WDR27: variants seen among roughly 807,000 people sequenced by gnomAD.
WDR27 encodes WD repeat domain 27.
A neutral mutation model predicts 114.4 loss-of-function variants in WDR27; 100 were observed. The ratio of observed to expected loss-of-function variants is 0.87; its 90% confidence interval spans 0.74 to 1.03. The LOEUF is 1.03. Among genes scored for constraint, WDR27 ranks in the 50% least tolerant of loss-of-function variants. The pLI, the probability that WDR27 is intolerant of heterozygous loss-of-function variation, is 0.00. For synonymous variants in WDR27, 449 were observed against 423.1 expected, an observed-to-expected ratio of 1.06 and a Z score of -0.75; for missense variants, 1,129 against 1,092.9, an observed-to-expected ratio of 1.03 and a Z score of -0.47.
At chr6:169,650,861 C>A (rs2128242539) in intron 14 of WDR27, among the ~76,000 whole-genome samples, 1 of 152,236 alleles carries the variant, frequency 6.6e-6, no homozygotes, top group East Asian at 1.9e-4. Flanking sequence ...GTCCATCTCT[C>A]CATCCATCCA....
intron 2 of WDR27, among the ~76,000 whole-genome samples, chr6:169,676,182 G>A (rs1263493784): frequency 6.6e-6 from 1 of 152,080 alleles, no homozygotes; most frequent in Non-Finnish European, 1.5e-5. Context: ...GCAGAACCAT[G>A]AGCCAATTAA....
intron 1 of WDR27, among the ~76,000 whole-genome samples, chr6:169,696,363 A>G: frequency 6.6e-6 from 1 of 152,226 alleles, no homozygotes; most frequent in East Asian, 1.9e-4. Context: ...GCAGTTGTGA[A>G]GCAAGAGATC....
chr6:169,664,102 A>T, intron 8 of WDR27, 64 bp downstream of exon 8: 2 of 1,445,634 alleles, frequency 1.4e-6, no homozygotes, highest in Non-Finnish European at 1.9e-6. Context: ...AGGGCCCTTG[A>T]CATGGCGCCT....
At chr6:169,698,423 TAC>T (rs1240925033) in intron 1 of WDR27, among the ~76,000 whole-genome samples, 39 of 152,094 alleles carry the variant, frequency 2.6e-4, no homozygotes, top group African/African-American at 8.2e-4. Context: ...CACACACACA[TAC>T]ACACACGTGT....
At chr6:169,671,796 T>G (rs1299984394) in intron 3 of WDR27, 1 of 154,282 alleles carries the variant, frequency 6.5e-6, no homozygotes, top group Non-Finnish European at 1.4e-5. Context: ...GTCGCTGGCT[T>G]ACACAGTGTC....
chr6:169,515,065 G>T (rs1268526366), intron 25 of WDR27, among the ~76,000 whole-genome samples: 2 of 151,948 alleles, frequency 1.3e-5, no homozygotes, highest in African/African-American at 4.8e-5. Flanking sequence ...AACACTAATT[G>T]TTGGTAAGTA....
the WDR27 span, among the ~76,000 whole-genome samples, chr6:169,440,984 T>C: frequency 3.3e-5 from 5 of 152,194 alleles, no homozygotes; most frequent in African/African-American, 1.2e-4. Flanking sequence ...TGGGTTTTTT[T>C]TTCTTGTATT....
intron 13 of WDR27, among the ~76,000 whole-genome samples, chr6:169,656,979 C>T (rs1824384575): frequency 1.3e-5 from 2 of 152,178 alleles, no homozygotes; most frequent in African/African-American, 4.8e-5. Flanking sequence ...GGCCTTCATT[C>T]TCACAATTTC....
At chr6:169,547,607 T>C (rs2982405) in intron 25 of WDR27, among the ~76,000 whole-genome samples, 97,286 of 151,946 alleles carry the variant, frequency 0.64, 32,378 homozygotes, top group Non-Finnish European at 0.72. Flanking sequence ...AAATACCACA[T>C]CCATTCATAA....
chr6:169,563,310 A>T lies in WDR27; in HGVS notation c.2645+9109T>A, dbSNP rs144340080. ...ATGGAGTCGGTGAAAAAGACAAAAC[A>T]AAGCCAAAAAAGTAGCAGCTGAACC... is the stretch of plus-strand genomic sequence containing the variant. On this transcript the variant is annotated intron_variant, in intron 25 of 25. Transcript: ENST00000448612. Among the ~76,000 whole-genome samples, 459 of 152,204 alleles carry T rather than the reference A, an allele frequency of 3.0e-3. 6 individuals carry two copies. Among genetic ancestry groups the T allele is most frequent in the Middle Eastern group, 6.8e-3 (2 of 294 alleles).
intron 23 of WDR27, among the ~76,000 whole-genome samples, chr6:169,600,662 C>T (rs531235148): frequency 6.0e-4 from 92 of 152,120 alleles, no homozygotes; most frequent in South Asian, 2.1e-4. Flanking sequence ...AACTACGTGA[C>T]GAATGCACAA....
intron 14 of WDR27, among the ~76,000 whole-genome samples, chr6:169,649,977 A>G (rs1025592736): frequency 7.6e-5 from 9 of 119,120 alleles, no homozygotes; most frequent in African/African-American, 2.7e-4. Flanking sequence ...GCACCCATGC[A>G]TTCATCTCTC....
intron 25 of WDR27, among the ~76,000 whole-genome samples, chr6:169,481,974 T>C (rs1294522842): frequency 6.6e-6 from 1 of 152,174 alleles, no homozygotes; most frequent in Non-Finnish European, 1.5e-5. Context: ...GTTGAGTACA[T>C]CCCAGTGTCT....
intron 1 of WDR27, among the ~76,000 whole-genome samples, chr6:169,697,810 A>G (rs1016550640): frequency 6.6e-6 from 1 of 152,062 alleles, no homozygotes; most frequent in African/African-American, 2.4e-5. Flanking sequence ...CTTGTATCCA[A>G]TAAATATCAG....
At chr6:169,683,878 C>A (rs1402633615) in intron 2 of WDR27, among the ~76,000 whole-genome samples, 3 of 152,166 alleles carry the variant, frequency 2.0e-5, no homozygotes, top group Non-Finnish European at 4.4e-5. Flanking sequence ...TTGCATTACC[C>A]CAGATTAGGA....
intron 1 of WDR27, among the ~76,000 whole-genome samples, chr6:169,695,472 G>A (rs777804782): frequency 3.0e-4 from 45 of 152,194 alleles, no homozygotes; most frequent in Non-Finnish European, 6.5e-4. Context: ...AAGTAACTGT[G>A]GAAGAAACAG....
chr6:169,594,919 T>C (rs1276032005), intron 23 of WDR27, among the ~76,000 whole-genome samples: 5 of 152,234 alleles, frequency 3.3e-5, no homozygotes, highest in African/African-American at 1.2e-4. Context: ...CTCAGGCCTA[T>C]AATCCCAGCA....
intron 25 of WDR27, among the ~76,000 whole-genome samples, chr6:169,491,906 AG>A (rs774269587): frequency 5.3e-4 from 81 of 152,204 alleles, no homozygotes; most frequent in Non-Finnish European, 9.6e-4. Flanking sequence ...TCAAGTAGGA[AG>A]AGATAAGCTG....
chr6:169,447,036 A>C, the WDR27 span, among the ~76,000 whole-genome samples: 2 of 152,222 alleles, frequency 1.3e-5, no homozygotes, highest in African/African-American at 4.8e-5. Context: ...GAAATTTCTT[A>C]TGATAATGCA....
Sources: allele counts gnomAD v4.1 joint callset (sites outside exome capture counted in the v4.1 genomes callset), GRCh38; gene constraint gnomAD v4.1.1; transcripts MANE v1.5; gene names NCBI Gene and HGNC (gene_info 2026-07-23, HGNC 2026-07-21).